The following CD82 variants were observed in gnomAD, a reference collection of about 807,000 sequenced individuals.
CD82 encodes CD82 antigen.
Under a neutral mutation model 37.4 loss-of-function variants are expected in CD82, and 36 were observed. The ratio of observed to expected loss-of-function variants is 0.96; its 90% CI spans 0.74 to 1.27. CD82 has a LOEUF of 1.27. CD82 is among the 50% of genes most tolerant of loss of function. The pLI, the probability that CD82 is intolerant of heterozygous loss-of-function variation, is 0.00. For synonymous variants in CD82, 158 were observed against 137.4 expected (o/e 1.15, Z -1.05); for missense variants, 340 against 347.0 (o/e 0.98, Z 0.16).
In CD82 at chr11:44,616,844, C is replaced by T. The variant is rs1420599601; in HGVS notation, c.439-1318C>T. Among the ~76,000 whole-genome samples, 5 of 152,242 alleles carry T rather than the reference C, an allele frequency of 3.3e-5. No individual in the cohort carries two copies. In the South Asian group the frequency reaches 8.3e-4, roughly 25 times the overall value. On this transcript the variant is annotated intron_variant, in intron 7 of 9. Transcript: ENST00000227155. The stretch of plus-strand genomic sequence containing the variant: ...GGGGTTGCTTGGAAGGAGGCTCTGT[C>T]GTAGACGGGCCAAGGAGACCTGCCT...
At chr11:44,593,992 TATACACACAC>T (rs888766143) in intron 2 of CD82, among the ~76,000 whole-genome samples, 4 of 10,396 alleles carry the variant, frequency 3.8e-4, no homozygotes, top group African/African-American at 1.3e-3. Flanking sequence ...AACCATTTGT[TATACACACAC>T]ACACACACAC....
chr11:44,593,809 A>AT (rs36113314), intron 2 of CD82, among the ~76,000 whole-genome samples: 1 of 152,252 alleles, frequency 6.6e-6, no homozygotes, highest in Non-Finnish European at 1.5e-5. Context: ...CTACACATGA[A>AT]TTTTTTGGGG....
chr11:44,615,494 G>A (rs1853551132), intron 7 of CD82, 121 bp downstream of exon 7: 1 of 676,766 alleles, frequency 1.5e-6, no homozygotes, highest in African/African-American at 1.8e-5. Flanking sequence ...ACAGTTTGTA[G>A]GAGAGTGTGC....
intron 3 of CD82, 46 bp downstream of exon 3, chr11:44,594,771 C>T: frequency 6.7e-7 from 1 of 1,499,738 alleles, no homozygotes. Context: ...AAAGATTCTC[C>T]TTCCAGGGGC....
chr11:44,604,068 C>T (rs1206263117), intron 4 of CD82, among the ~76,000 whole-genome samples: 1 of 152,188 alleles, frequency 6.6e-6, no homozygotes, highest in East Asian at 1.9e-4. Context: ...CCTTCGTCGA[C>T]CCATTCTGAC....
chr11:44,567,659 C>T (rs936900377), intron 1 of CD82, among the ~76,000 whole-genome samples: 1 of 152,008 alleles, frequency 6.6e-6, no homozygotes, highest in African/African-American at 2.4e-5. Flanking sequence ...TCAACAGAGC[C>T]TACCTAGTGA....
Position 44,613,339 on chromosome 11 carries a change from C to T in CD82, c.337-1933C>T, listed in dbSNP as rs547161618. On this transcript the variant is annotated intron_variant, in intron 6 of 9. Coordinates refer to ENST00000227155, the MANE Select transcript of CD82 (RefSeq NM_002231.4). Reference sequence around the variant, plus strand: ...CCTCCCACCCAGGCCTGCTTATCGCCGAGGGAGGCCCTGCCCTCAGCGGGC... The same window carrying T: ...CCTCCCACCCAGGCCTGCTTATCGCTGAGGGAGGCCCTGCCCTCAGCGGGC... Among the ~76,000 whole-genome samples, 12 of 152,348 alleles carry T rather than the reference C, an allele frequency of 7.9e-5. No individual in the cohort carries two copies. The East Asian group carries it at 1.9e-3, about 25-fold the overall frequency.
chr11:44,605,259 C>T (rs984984693), intron 5 of CD82, 77 bp downstream of exon 5: 77 of 1,607,680 alleles, frequency 4.8e-5, no homozygotes, highest in Non-Finnish European at 6.1e-5. Flanking sequence ...CGGCGCTGGC[C>T]GTAACATCGG....
intron 1 of CD82, among the ~76,000 whole-genome samples, chr11:44,585,688 A>T (rs1853044163): frequency 6.6e-6 from 1 of 152,172 alleles, no homozygotes; most frequent in African/African-American, 2.4e-5. Flanking sequence ...TGTGATTCTG[A>T]GTCCAGTACT....
chr11:44,604,666 G>A lies in CD82; in HGVS notation c.137-392G>A, dbSNP rs183422419. 2.3e-5 allele frequency: 7 copies of A among 306,388 alleles called. No homozygotes were observed. The East Asian group carries it at 3.6e-4, about 16-fold the overall frequency. 19.0% of individuals were successfully genotyped at this position (306,388 alleles called of 1,614,324 possible). ...TGTGCACAGCACCTCACTGCGAGAG[G>A]CGCTGTTCGAGCTGGGGGTTCCCCA... On this transcript the variant is annotated intron_variant, in intron 4 of 9. Transcript: ENST00000227155.
intron 1 of CD82, among the ~76,000 whole-genome samples, chr11:44,580,997 A>C (rs1852971367): frequency 6.6e-6 from 1 of 151,910 alleles, no homozygotes; most frequent in South Asian, 2.1e-4. Context: ...CCCTCTCTCT[A>C]ATCACCCTAC....
intron 7 of CD82, 58 bp downstream of exon 7, chr11:44,615,431 C>A: frequency 3.0e-6 from 3 of 1,007,824 alleles, no homozygotes; most frequent in Non-Finnish European, 4.7e-6. Flanking sequence ...GCATTTGGGG[C>A]TCTGTGCACC....
intron 6 of CD82, among the ~76,000 whole-genome samples, chr11:44,611,834 G>A (rs1415392037): frequency 6.6e-6 from 1 of 152,286 alleles, no homozygotes; most frequent in East Asian, 1.9e-4. Flanking sequence ...AGATGTTGTG[G>A]TGTTTCCATG....
chr11:44,618,991 T>C (rs1332653161), intron 9 of CD82, 58 bp from the exon 10 acceptor site: 1 of 1,431,398 alleles, frequency 7.0e-7, no homozygotes, highest in Non-Finnish European at 9.8e-7. Context: ...ATGGTGAGGC[T>C]GGGGCGTCTG....
At chr11:44,601,337 A>T (rs1370574262) in intron 4 of CD82, among the ~76,000 whole-genome samples, 2 of 135,014 alleles carry the variant, frequency 1.5e-5, no homozygotes, top group Non-Finnish European at 3.3e-5. Context: ...GAAAGCAAGG[A>T]TGATCTACAC....
At chr11:44,596,478 CAT>C (rs1403789388) in intron 3 of CD82, among the ~76,000 whole-genome samples, 1 of 152,204 alleles carries the variant, frequency 6.6e-6, no homozygotes, top group African/African-American at 2.4e-5. Flanking sequence ...GGGAGACCCT[CAT>C]AGAGAAAGGG....
chr11:44,586,167 C>G (rs1853051460), intron 1 of CD82, among the ~76,000 whole-genome samples: 1 of 152,184 alleles, frequency 6.6e-6, no homozygotes, highest in Non-Finnish European at 1.5e-5. Flanking sequence ...AGGCTGCACC[C>G]CAGAACAACT....
chr11:44,570,575 G>A (rs891745559), intron 1 of CD82, among the ~76,000 whole-genome samples: 4 of 152,190 alleles, frequency 2.6e-5, no homozygotes, highest in Admixed American at 6.5e-5. Flanking sequence ...AAGTGGAGCC[G>A]GGAAGCAGGA....
At chr11:44,585,510 G>C (rs963232128) in intron 1 of CD82, among the ~76,000 whole-genome samples, 3 of 152,304 alleles carry the variant, frequency 2.0e-5, no homozygotes, top group African/African-American at 4.8e-5. Context: ...CACCAGCATA[G>C]ATTGTGCCCT....
Sources: allele counts gnomAD v4.1 joint callset (sites outside exome capture counted in the v4.1 genomes callset), GRCh38; gene constraint gnomAD v4.1.1; transcripts MANE v1.5; gene names NCBI Gene and HGNC (gene_info 2026-07-23, HGNC 2026-07-21).